SPAG17: variants seen among roughly 807,000 people sequenced by gnomAD.
SPAG17 encodes the protein sperm-associated antigen 17.
A neutral mutation model predicts 273.6 loss-of-function variants in SPAG17; 169 were observed. That is an observed-to-expected ratio of 0.62 (90% CI 0.55 to 0.70). SPAG17 has a LOEUF of 0.70. SPAG17 is among the 30% of genes least tolerant of loss of function. The pLI, the probability that SPAG17 is intolerant of heterozygous loss-of-function variation, is 0.00. For synonymous variants in SPAG17, 825 were observed against 873.2 expected (o/e 0.94, Z 0.97); for missense variants, 2,557 against 2,627.8 (o/e 0.97, Z 0.59).
chr1:118,089,470 T>A (rs1655231283), intron 10 of SPAG17, among the ~76,000 whole-genome samples: 1 of 152,004 alleles, frequency 6.6e-6, no homozygotes, highest in Admixed American at 6.6e-5. Flanking sequence ...AATCAGATGA[T>A]AATTCCCTTA....
At chr1:118,153,373 A>G (rs1204590065) in intron 1 of SPAG17, among the ~76,000 whole-genome samples, 1 of 152,236 alleles carries the variant, frequency 6.6e-6, no homozygotes, top group African/African-American at 2.4e-5. Flanking sequence ...GCAGAACCTC[A>G]TGGAGACCAC....
intron 17 of SPAG17, among the ~76,000 whole-genome samples, chr1:118,072,750 C>T (rs897206962): frequency 1.3e-5 from 2 of 151,716 alleles, no homozygotes; most frequent in Non-Finnish European, 2.9e-5. Flanking sequence ...CCAAAAATTA[C>T]GATATTGTTA....
rs146894000 is a variant in SPAG17 at position 118,184,602 on chromosome 1, G to A, written c.87+469C>T. 7.2e-5 allele frequency among the ~76,000 whole-genome samples: 11 copies of A among 152,196 alleles called. 1 individual carries two copies. In the East Asian group the frequency reaches 1.9e-3, roughly 27 times the overall value. On this transcript the variant is annotated intron_variant, in intron 1 of 48. Transcript: ENST00000336338. ...ATCTTTTCCTATCTATACAAGGCTC[G>A]CTTGTACTAAATACAGTGTAATTCT...
chr1:118,000,410 G>T (rs1658146325), intron 32 of SPAG17, among the ~76,000 whole-genome samples: 1 of 152,138 alleles, frequency 6.6e-6, no homozygotes, highest in Non-Finnish European at 1.5e-5. Context: ...AAATTACCTT[G>T]GGCAGTATGG....
chr1:117,979,492 C>T (rs1026974358), intron 43 of SPAG17, among the ~76,000 whole-genome samples: 1 of 152,314 alleles, frequency 6.6e-6, no homozygotes, highest in Non-Finnish European at 1.5e-5. Flanking sequence ...GCAACTCTCG[C>T]ATGTGCCACT....
At position 118,120,948 on chromosome 1, in the gene SPAG17, T is replaced by C. The variant is rs116892064; in HGVS notation, c.316-5507A>G. Among the ~76,000 whole-genome samples the C allele has an allele frequency of 3.1e-3, 470 of 152,308 alleles. 14 individuals carry two copies. The East Asian group carries it at 0.066, about 21-fold the overall frequency. On this transcript the variant is annotated intron_variant, in intron 3 of 48. Transcript: ENST00000336338. ...AAAGGAACTAGTGGCTGATGAAGTA[T>C]TTTCGAGCAATAAGTAACAGGTGTG... is the stretch of plus-strand genomic sequence containing the variant.
At chr1:118,045,356 A>C (rs1201748836) in intron 20 of SPAG17, among the ~76,000 whole-genome samples, 3 of 152,316 alleles carry the variant, frequency 2.0e-5, no homozygotes, top group African/African-American at 7.2e-5. Flanking sequence ...TTAATAATCT[A>C]TCACGCCCAC....
intron 1 of SPAG17, among the ~76,000 whole-genome samples, chr1:118,174,201 A>C (rs1660570694): frequency 6.6e-6 from 1 of 152,220 alleles, no homozygotes. Context: ...CAAACACCTA[A>C]AGGAGAATGC....
chr1:118,073,738 A>C (rs567159512), intron 17 of SPAG17, 116 bp downstream of exon 17: 2 of 623,446 alleles, frequency 3.2e-6, no homozygotes, highest in East Asian at 6.3e-5. Context: ...GAAGTAAAGG[A>C]GACTATTGAT....
intron 4 of SPAG17, among the ~76,000 whole-genome samples, chr1:118,102,371 A>C (rs1656126602): frequency 6.6e-6 from 1 of 152,258 alleles, no homozygotes; most frequent in Non-Finnish European, 1.5e-5. Context: ...ATTAAAAATA[A>C]AAAGGAAAAT....
chr1:118,082,103 T>A, intron 13 of SPAG17, among the ~76,000 whole-genome samples: 1 of 152,238 alleles, frequency 6.6e-6, no homozygotes, highest in East Asian at 1.9e-4. Context: ...CTTCCTCCTG[T>A]GCACATAAAC....
At chr1:118,094,916 A>G (rs1245712103) in intron 7 of SPAG17, among the ~76,000 whole-genome samples, 1 of 152,190 alleles carries the variant, frequency 6.6e-6, no homozygotes, top group Non-Finnish European at 1.5e-5. Context: ...ATTGACTAAT[A>G]GATCAGTCTG....
chr1:118,125,601 C>T (rs1025951063), intron 3 of SPAG17, among the ~76,000 whole-genome samples: 3 of 152,130 alleles, frequency 2.0e-5, no homozygotes, highest in African/African-American at 7.2e-5. Context: ...CTTTTAGCTC[C>T]ACATATGAGT....
In SPAG17 at chr1:118,039,301, G is replaced by C. The variant is rs1229282368; in HGVS notation, c.3310C>G (p.Leu1104Val). The C allele has an allele frequency of 6.2e-6, 10 of 1,612,610 alleles. No individual in the cohort carries two copies. The highest frequency in any genetic ancestry group is 5.9e-6 in the Non-Finnish European group (7 of 1,179,240). Residue 1104 changes from leucine to valine, a missense_variant, in exon 23 of 49, where the codon CTT becomes GTT. Leu to Val is a conservative substitution (Grantham distance 32). Coordinates refer to ENST00000336338, the MANE Select transcript of SPAG17 (RefSeq NM_206996.4). Reference protein sequence around the residue: ...EEEEGDEEQSLETEVSDAKNK... With the variant: ...EEEEGDEEQSVETEVSDAKNK... The stretch of plus-strand genomic sequence containing the variant: ...CTAAACAGCAGCTTACCCGTTTCAA[G>C]ACTTTGTTCCTCATCTCCTTCTTCT...
intron 32 of SPAG17, among the ~76,000 whole-genome samples, chr1:118,000,889 T>C (rs1271356357): frequency 6.6e-6 from 1 of 152,218 alleles, no homozygotes; most frequent in Non-Finnish European, 1.5e-5. Flanking sequence ...AGGGCATCCT[T>C]GTCTTGTGCC....
At chr1:118,175,456 A>T (rs2102401771) in intron 1 of SPAG17, among the ~76,000 whole-genome samples, 1 of 152,282 alleles carries the variant, frequency 6.6e-6, no homozygotes. Context: ...AGATGATCCT[A>T]AAAGCAGCAA....
intron 48 of SPAG17, among the ~76,000 whole-genome samples, chr1:117,956,805 T>C (rs989567328): frequency 5.3e-5 from 8 of 152,282 alleles, no homozygotes; most frequent in African/African-American, 1.9e-4. Flanking sequence ...AACAAAAGGC[T>C]TTGGAGATAT....
intron 46 of SPAG17, 95 bp downstream of exon 46, chr1:117,969,961 G>A: frequency 1.8e-6 from 2 of 1,081,312 alleles, no homozygotes; most frequent in South Asian, 2.8e-5. Flanking sequence ...TAAAAGGAAT[G>A]GGCAGAATGG....
chr1:118,074,615 C>T lies in SPAG17; in HGVS notation c.2210-15G>A. Reference sequence around the variant, plus strand: ...TGTGGTCTGCTCTGCAAATCAAAGACACCAACATCCAGTTGTGTTCTGGCT... The same window carrying T: ...TGTGGTCTGCTCTGCAAATCAAAGATACCAACATCCAGTTGTGTTCTGGCT... On this transcript the variant is annotated splice_polypyrimidine_tract_variant and intron_variant, in intron 15 of 48. Transcript: ENST00000336338. 6.2e-7 allele frequency: 1 copy of T among 1,611,846 alleles called. No individual in the cohort carries two copies. Among genetic ancestry groups the T allele is most frequent in the Non-Finnish European group, 8.5e-7 (1 of 1,178,302 alleles).
Sources: allele counts gnomAD v4.1 joint callset (sites outside exome capture counted in the v4.1 genomes callset), GRCh38; gene constraint gnomAD v4.1.1; transcripts MANE v1.5; gene names NCBI Gene and HGNC (gene_info 2026-07-23, HGNC 2026-07-21).